Variants in KRT80 observed in about 807,000 individuals in gnomAD.
The protein encoded by KRT80 is keratin 80.
A neutral mutation model predicts 51.5 loss-of-function variants in KRT80; 36 were observed. The ratio of observed to expected loss-of-function variants is 0.70; its 90% CI spans 0.54 to 0.92. The LOEUF is 0.92. Among genes scored for constraint, KRT80 ranks in the 40% least tolerant of loss-of-function variants. KRT80 has a pLI of 0.00. For synonymous variants in KRT80, 235 were observed against 248.3 expected, an observed-to-expected ratio of 0.95 and a Z score of 0.50; for missense variants, 566 against 591.7, an observed-to-expected ratio of 0.96 and a Z score of 0.45.
At chr12:52,182,691 C>G (rs1320016352) in intron 2 of KRT80, among the ~76,000 whole-genome samples, 1 of 152,192 alleles carries the variant, frequency 6.6e-6, no homozygotes, top group Non-Finnish European at 1.5e-5. Flanking sequence ...GCTGGCCTGG[C>G]AGCTGCCCTG....
At position 52,191,867 on chromosome 12, in the gene KRT80, G is replaced by A; in HGVS notation, c.36C>T (p.Ser12=). 1 of 1,520,580 alleles carries A rather than the reference G, an allele frequency of 6.6e-7. No individual in the cohort carries two copies. The highest frequency in any genetic ancestry group is 8.8e-7 in the Non-Finnish European group (1 of 1,130,190). The allele number at this position is 1,520,580 out of a possible 1,614,324, so 94.2% of individuals were successfully genotyped here. Residue 12 remains serine, a synonymous_variant, in exon 1 of 9, where the codon AGC becomes AGT. Coordinates refer to ENST00000394815, the MANE Select transcript of KRT80 (RefSeq NM_182507.3). ...CCGGGGTCACCTCACAGCTGCTGAG[G>A]CTGCTGAAGCCAACCACGCAGGAGC... The part of the protein sequence containing the change: ...ACRSCVVGFS[S]LSSCEVTPVG...
intron 1 of KRT80, among the ~76,000 whole-genome samples, chr12:52,188,757 C>T (rs1004157569): frequency 6.6e-6 from 1 of 152,234 alleles, no homozygotes; most frequent in Non-Finnish European, 1.5e-5. Context: ...CCAGGATGAG[C>T]TCAGGCAGTC....
At chr12:52,178,902 T>C (rs1203714994) in intron 4 of KRT80, among the ~76,000 whole-genome samples, 7 of 150,004 alleles carry the variant, frequency 4.7e-5, no homozygotes, top group Non-Finnish European at 5.9e-5. Flanking sequence ...CAAGTTGGGA[T>C]TGGGGCCCAA....
intron 6 of KRT80, 33 bp downstream of exon 6, chr12:52,173,005 C>A (rs1267258257): frequency 1.3e-6 from 2 of 1,590,942 alleles, no homozygotes; most frequent in East Asian, 2.3e-5. Flanking sequence ...CTGCTCTCCT[C>A]CCCGCCCCCA....
At chr12:52,181,465 A>G (rs934027716) in intron 2 of KRT80, among the ~76,000 whole-genome samples, 1 of 152,104 alleles carries the variant, frequency 6.6e-6, no homozygotes, top group Non-Finnish European at 1.5e-5. Flanking sequence ...TTCCCTCCAA[A>G]GGGAGGCTGG....
chr12:52,183,562 G>T (rs1350708733), intron 2 of KRT80, among the ~76,000 whole-genome samples: 1 of 152,128 alleles, frequency 6.6e-6, no homozygotes, highest in Non-Finnish European at 1.5e-5. Flanking sequence ...TTCCCAACTC[G>T]GGTGGGTTCC....
chr12:52,177,855 C>A (rs1941257942), intron 4 of KRT80, among the ~76,000 whole-genome samples: 1 of 151,956 alleles, frequency 6.6e-6, no homozygotes, highest in Non-Finnish European at 1.5e-5. Context: ...CTGGCACAGT[C>A]TTTACTCAGA....
chr12:52,172,114 T>C, intron 7 of KRT80, 84 bp downstream of exon 7: 1 of 1,469,136 alleles, frequency 6.8e-7, no homozygotes, highest in Non-Finnish European at 9.4e-7. Flanking sequence ...TGTATCATAT[T>C]GGAAAGGAGA....
chr12:52,171,828 C>A (rs910753908), intron 7 of KRT80, 115 bp from the exon 8 acceptor site: 14 of 743,218 alleles, frequency 1.9e-5, no homozygotes, highest in Non-Finnish European at 2.9e-5. Context: ...TGGTCACTCC[C>A]AGCCCTGGGG....
intron 4 of KRT80, among the ~76,000 whole-genome samples, chr12:52,176,723 C>T (rs1430322571): frequency 3.9e-5 from 6 of 152,184 alleles, no homozygotes; most frequent in African/African-American, 1.2e-4. Flanking sequence ...TCAGGTTATC[C>T]GCCCGCTTCG....
At chr12:52,184,222 G>A (rs550019804) in intron 2 of KRT80, among the ~76,000 whole-genome samples, 86 of 152,320 alleles carry the variant, frequency 5.6e-4, no homozygotes, top group African/African-American at 1.9e-3. Context: ...AGCACTGCAG[G>A]AGGGGAGACC....
intron 1 of KRT80, among the ~76,000 whole-genome samples, chr12:52,186,642 T>G (rs1018431222): frequency 6.6e-6 from 1 of 152,220 alleles, no homozygotes; most frequent in Non-Finnish European, 1.5e-5. Context: ...CTATGACACA[T>G]GCGTCCTGTG....
intron 8 of KRT80, 45 bp downstream of exon 8, chr12:52,171,613 C>T (rs748118552): frequency 6.2e-7 from 1 of 1,603,088 alleles, no homozygotes; most frequent in Admixed American, 1.7e-5. Context: ...TCCCCTACAC[C>T]CTCACCCTCA....
chr12:52,180,774 T>G, intron 3 of KRT80, 129 bp downstream of exon 3: 2 of 1,586,674 alleles, frequency 1.3e-6, no homozygotes, highest in Non-Finnish European at 8.6e-7. Context: ...TCTCCCTGTC[T>G]GTCTGTTGGT....
intron 1 of KRT80, among the ~76,000 whole-genome samples, chr12:52,186,453 T>C (rs532292062): frequency 6.6e-6 from 1 of 152,270 alleles, no homozygotes; most frequent in South Asian, 2.1e-4. Context: ...TGCCAGGCCT[T>C]GCTCTACATG....
At position 52,191,789 on chromosome 12, in the gene KRT80, C is replaced by G; in HGVS notation, c.114G>C (p.Gly38=). 2.5e-6 allele frequency: 4 copies of G among 1,610,308 alleles called. No homozygotes were observed. The highest frequency in any genetic ancestry group is 3.4e-6 in the Non-Finnish European group (4 of 1,178,528). Residue 38 remains glycine, a synonymous_variant, in exon 1 of 9, where the codon GGG becomes GGC. Coordinates refer to ENST00000394815, the MANE Select transcript of KRT80 (RefSeq NM_182507.3). ...TSGWDSCRAP[G]PGFSSRSLTG... is the part of the protein sequence containing the mutation. ...TGAGGCTGCGGGAGCTGAAGCCCGG[C>G]CCGGGGGCCCTGCAGCTGTCCCATC...
At position 52,191,954 on chromosome 12, in the gene KRT80, G is replaced by A; in HGVS notation, c.-52C>T. The A allele has an allele frequency of 7.0e-7, 1 of 1,419,226 alleles. No homozygotes were observed. The highest frequency in any genetic ancestry group is 9.2e-7 in the Non-Finnish European group (1 of 1,083,602). The allele number at this position is 1,419,226 out of a possible 1,614,324, so 87.9% of individuals were successfully genotyped here. The stretch of plus-strand genomic sequence containing the variant: ...CCCAGGGGGGTGAGCGAGTGAGCCT[G>A]GGGTTGCGTCGGGTGGCAGGCTCTG... On this transcript the variant is annotated 5_prime_UTR_variant, in exon 1 of 9. Transcript: ENST00000394815.
intron 2 of KRT80, among the ~76,000 whole-genome samples, chr12:52,183,649 C>T (rs1425661011): frequency 6.6e-6 from 1 of 152,220 alleles, no homozygotes; most frequent in African/African-American, 2.4e-5. Context: ...AGGCGGCAGG[C>T]CAAATGAGGG....
chr12:52,186,787 C>T (rs1290249478), intron 1 of KRT80, among the ~76,000 whole-genome samples: 1 of 152,114 alleles, frequency 6.6e-6, no homozygotes, highest in Non-Finnish European at 1.5e-5. Context: ...TCAGACTCTG[C>T]CTACCATATG....
Sources: allele counts gnomAD v4.1 joint callset (sites outside exome capture counted in the v4.1 genomes callset), GRCh38; gene constraint gnomAD v4.1.1; transcripts MANE v1.5; gene names NCBI Gene and HGNC (gene_info 2026-07-23, HGNC 2026-07-21).